The following LRP1B variants were observed in gnomAD, a reference collection of about 807,000 sequenced individuals.
The protein encoded by LRP1B is LDL receptor related protein 1B, also known as low-density lipoprotein receptor-related protein 1B.
In LRP1B, 217 loss-of-function variants were observed where a neutral mutation model predicts 556.6. The ratio of observed to expected loss-of-function variants is 0.39; its 90% confidence interval spans 0.35 to 0.44. The LOEUF (loss-of-function observed/expected upper bound fraction) is 0.44, where lower values mean the gene tolerates loss of function less well. LRP1B is among the 20% of genes least tolerant of loss of function. The pLI is 1.00. For synonymous variants in LRP1B, 2,047 were observed against 1,865.8 expected (o/e 1.10, Z -2.50); for missense variants, 5,053 against 5,620.8 (o/e 0.90, Z 3.23).
At chr2:140,894,958 A>T (rs1693907707) in intron 23 of LRP1B, among the ~76,000 whole-genome samples, 1 of 149,738 alleles carries the variant, frequency 6.7e-6, no homozygotes, top group Admixed American at 6.7e-5. Context: ...AAAAAAAAAA[A>T]TTGATACAGT....
intron 43 of LRP1B, among the ~76,000 whole-genome samples, chr2:140,547,730 C>G (rs1392510882): frequency 6.6e-6 from 1 of 151,938 alleles, no homozygotes; most frequent in African/African-American, 2.4e-5. Context: ...AAGAAATGGG[C>G]CTTCTGCCTT....
chr2:141,708,417 G>C (rs1402626246), intron 2 of LRP1B, among the ~76,000 whole-genome samples: 1 of 152,040 alleles, frequency 6.6e-6, no homozygotes, highest in Non-Finnish European at 1.5e-5. Flanking sequence ...TTTAGGAATA[G>C]GAGGTCTTGA....
chr2:141,636,907 G>A (rs1689124965), intron 2 of LRP1B, among the ~76,000 whole-genome samples: 1 of 152,068 alleles, frequency 6.6e-6, no homozygotes, highest in South Asian at 2.1e-4. Flanking sequence ...ATGTATATAT[G>A]TAAATATATA....
intron 1 of LRP1B, among the ~76,000 whole-genome samples, chr2:141,843,020 T>A (rs1014021295): frequency 6.6e-6 from 1 of 152,138 alleles, no homozygotes; most frequent in Non-Finnish European, 1.5e-5. Context: ...AAACTATTTA[T>A]TTTTTTAAAC....
chr2:141,320,894 T>C (rs16855041), intron 3 of LRP1B, among the ~76,000 whole-genome samples: 9,496 of 152,134 alleles, frequency 0.062, 506 homozygotes, highest in African/African-American at 0.14. Flanking sequence ...TAACAAAGGC[T>C]TTATATACTG....
At chr2:140,652,750 T>C (rs1393786488) in intron 41 of LRP1B, among the ~76,000 whole-genome samples, 4 of 152,054 alleles carry the variant, frequency 2.6e-5, no homozygotes, top group South Asian at 4.1e-4. Context: ...CAGTACCATA[T>C]TTAGTTGAAA....
rs948686059 is a variant in LRP1B, at chr2:140,641,782, T to C, written c.6800-40143A>G. ...CATATGACCATATAGAGAATAAAGA[T>C]ATTTATTGAGAGAAACAGTTAATAC... On this transcript the variant is annotated intron_variant, in intron 41 of 90. Coordinates refer to ENST00000389484, the MANE Select transcript of LRP1B (RefSeq NM_018557.3). 5.9e-5 allele frequency among the ~76,000 whole-genome samples: 9 copies of C among 152,340 alleles called. No individual in the cohort carries two copies. The South Asian group carries it at 1.0e-3, about 18-fold the overall frequency.
rs2105193965 is a variant in LRP1B, at chr2:141,188,575, G to C, written c.859C>G (p.Gln287Glu). The C allele has an allele frequency of 6.2e-7, 1 of 1,611,794 alleles. No individual in the cohort carries two copies. The highest frequency in any genetic ancestry group is 8.5e-7 in the Non-Finnish European group (1 of 1,178,826). Residue 287 changes from glutamine to glutamate, a missense_variant, in exon 7 of 91, where the codon CAA becomes GAA. By Grantham distance (29) the Gln-to-Glu change is conservative (BLOSUM62 2). Coordinates refer to ENST00000389484, the MANE Select transcript of LRP1B (RefSeq NM_018557.3). ...CGAGTGAGCCAGTCAATCGCCATTT[G>C]TTGCACATCTGAAAAACACATACAC... ...NILQSFHNVQ[Q>E]MAIDWLTRNL...
intron 3 of LRP1B, among the ~76,000 whole-genome samples, chr2:141,345,961 T>C (rs2105527162): frequency 6.6e-6 from 1 of 152,208 alleles, no homozygotes; most frequent in East Asian, 1.9e-4. Context: ...ACCCCCAGTT[T>C]GAATATTTTA....
intron 12 of LRP1B, among the ~76,000 whole-genome samples, chr2:141,016,661 AG>A (rs1363302441): frequency 1.3e-5 from 2 of 152,078 alleles, no homozygotes; most frequent in East Asian, 1.9e-4. Context: ...ACAGTAGGAG[AG>A]GGGGTCTTGA....
chr2:141,632,450 G>C (rs1688948478), intron 2 of LRP1B, among the ~76,000 whole-genome samples: 1 of 152,090 alleles, frequency 6.6e-6, no homozygotes, highest in Non-Finnish European at 1.5e-5. Context: ...GCAAAACGTA[G>C]TCTATTACAT....
chr2:140,929,754 ACT>A (rs1163781038), intron 20 of LRP1B, among the ~76,000 whole-genome samples: 2 of 115,758 alleles, frequency 1.7e-5, no homozygotes, highest in South Asian at 6.6e-4. Flanking sequence ...AGTCATATAG[ACT>A]CACACACACA....
chr2:141,519,616 C>T (rs1263005060), intron 2 of LRP1B, among the ~76,000 whole-genome samples: 5 of 151,726 alleles, frequency 3.3e-5, no homozygotes, highest in Admixed American at 3.3e-4. Context: ...CAAGAGAAAC[C>T]TACTAGAACT....
intron 53 of LRP1B, among the ~76,000 whole-genome samples, chr2:140,504,518 G>A (rs376836614): frequency 3.3e-5 from 5 of 151,890 alleles, no homozygotes; most frequent in East Asian, 1.9e-4. Flanking sequence ...ACTTATCCTC[G>A]TTGTTCTTCT....
At chr2:140,349,700 C>T (rs1681870180) in intron 77 of LRP1B, among the ~76,000 whole-genome samples, 1 of 151,952 alleles carries the variant, frequency 6.6e-6, no homozygotes, top group Non-Finnish European at 1.5e-5. Context: ...CAACAGATGC[C>T]ATGTTACCGT....
In LRP1B at chr2:141,177,327, T is replaced by C. The variant is rs1442063241; in HGVS notation, c.1013+11094A>G. ...CACTAGAATTTCTGGAAGCTAGTGT[T>C]ACCTTAACTAATGCTGTAGTTGCTA... On this transcript the variant is annotated intron_variant, in intron 7 of 90. Coordinates refer to ENST00000389484, the MANE Select transcript of LRP1B (RefSeq NM_018557.3). Among the ~76,000 whole-genome samples, 7 of 152,224 alleles carry C rather than the reference T, an allele frequency of 4.6e-5. No homozygotes were observed. In the East Asian group the frequency reaches 1.4e-3, roughly 30 times the overall value.
intron 47 of LRP1B, among the ~76,000 whole-genome samples, chr2:140,532,702 T>A (rs1690753504): frequency 6.6e-6 from 1 of 151,862 alleles, no homozygotes. Flanking sequence ...GCCCTTCTGT[T>A]TTTACCACTC....
intron 2 of LRP1B, among the ~76,000 whole-genome samples, chr2:141,542,059 C>G (rs1287345495): frequency 4.7e-5 from 1 of 21,466 alleles, no homozygotes; most frequent in African/African-American, 5.0e-5. Flanking sequence ...ATGTAATGTT[C>G]TATTCTTTTT....
Position 140,923,166 on chromosome 2 carries a change from A to C in LRP1B, c.3137-19T>G. 6.3e-7 allele frequency: 1 copy of C among 1,587,582 alleles called. No homozygotes were observed. ...TGAATCTCTTAATTTGAAATGAGGAAGAGAGAAGCAGAGGGGGGCAAGACA... is the reference window on the plus strand; with the variant it reads ...TGAATCTCTTAATTTGAAATGAGGACGAGAGAAGCAGAGGGGGGCAAGACA... On this transcript the variant is annotated intron_variant, in intron 20 of 90. Coordinates refer to ENST00000389484, the MANE Select transcript of LRP1B (RefSeq NM_018557.3).
Sources: allele counts gnomAD v4.1 joint callset (sites outside exome capture counted in the v4.1 genomes callset), GRCh38; gene constraint gnomAD v4.1.1; transcripts MANE v1.5; gene names NCBI Gene and HGNC (gene_info 2026-07-23, HGNC 2026-07-21).